The following PTPRG variants were observed in gnomAD, a reference collection of about 807,000 sequenced individuals.
PTPRG encodes the protein protein tyrosine phosphatase receptor type G.
Under a neutral mutation model 165.3 loss-of-function variants are expected in PTPRG, and 102 were observed. The ratio of observed to expected loss-of-function variants is 0.62; its 90% CI spans 0.53 to 0.73. PTPRG has a LOEUF of 0.73. PTPRG is among the 30% of genes least tolerant of loss of function. The pLI is 0.00. For missense variants in PTPRG, 1,866 were observed against 1,861.4 expected (o/e 1.00, Z -0.05); for synonymous variants, 675 against 669.5 (o/e 1.01, Z -0.13).
intron 15 of PTPRG, among the ~76,000 whole-genome samples, chr3:62,247,799 G>T (rs1209894476): frequency 6.6e-6 from 1 of 152,166 alleles, no homozygotes; most frequent in Non-Finnish European, 1.5e-5. Flanking sequence ...AGCATACGTG[G>T]AATCAGTAAG....
At chr3:62,066,938 G>A (rs768479677) in intron 4 of PTPRG, among the ~76,000 whole-genome samples, 43 of 151,562 alleles carry the variant, frequency 2.8e-4, no homozygotes, top group Non-Finnish European at 5.0e-4. Flanking sequence ...CTCAGGAGGC[G>A]GAGGCAGGAG....
intron 2 of PTPRG, among the ~76,000 whole-genome samples, chr3:61,897,509 T>A (rs1397311991): frequency 6.6e-6 from 1 of 152,198 alleles, no homozygotes; most frequent in Non-Finnish European, 1.5e-5. Flanking sequence ...TAAGTCAATA[T>A]CAGGTAGAAA....
At position 62,240,179 on chromosome 3, in the gene PTPRG, G is replaced by A. The variant is rs1041616942; in HGVS notation, c.2376-3628G>A. On this transcript the variant is annotated intron_variant, in intron 14 of 29. Transcript: ENST00000474889. This position sits in a 1 kb window ranked among gnomAD's most constrained non-coding sequence, Gnocchi z 5.1. ...GATGCATATAGAATGATCTCATTTC[G>A]TTTTTTAAAAATAAAACCCCCATGT... 2.6e-5 allele frequency among the ~76,000 whole-genome samples: 4 copies of A among 152,178 alleles called. No homozygotes were observed. The highest frequency in any genetic ancestry group is 1.9e-4 in the East Asian group (1 of 5,172).
At chr3:61,812,841 A>C (rs2035628855) in intron 2 of PTPRG, among the ~76,000 whole-genome samples, 1 of 152,206 alleles carries the variant, frequency 6.6e-6, no homozygotes, top group Non-Finnish European at 1.5e-5. Flanking sequence ...CCTGTGAACA[A>C]CTGTCTTGCT....
intron 6 of PTPRG, among the ~76,000 whole-genome samples, chr3:62,148,988 C>CA (rs1704223143): frequency 6.6e-6 from 1 of 151,980 alleles, no homozygotes; most frequent in African/African-American, 2.4e-5. Context: ...ATATATAAGA[C>CA]AAAAAACTAG....
intron 17 of PTPRG, among the ~76,000 whole-genome samples, chr3:62,266,706 A>C (rs1023820087): frequency 4.0e-5 from 6 of 151,556 alleles, no homozygotes; most frequent in Admixed American, 1.3e-4. Context: ...TATAAACAGA[A>C]ACATAAATTG....
At chr3:61,671,843 C>T (rs989540858) in intron 1 of PTPRG, among the ~76,000 whole-genome samples, 1 of 139,368 alleles carries the variant, frequency 7.2e-6, no homozygotes, top group Non-Finnish European at 1.5e-5. Context: ...GTAGGGGCGG[C>T]CGGGCAGAGG....
At chr3:61,595,577 C>T (rs1488226587) in intron 1 of PTPRG, among the ~76,000 whole-genome samples, 4 of 152,216 alleles carry the variant, frequency 2.6e-5, no homozygotes, top group South Asian at 4.1e-4. Context: ...GGCCCTAGGC[C>T]TTGACCCTTC....
intron 4 of PTPRG, among the ~76,000 whole-genome samples, chr3:62,011,625 A>G (rs2041424652): frequency 6.6e-6 from 1 of 152,188 alleles, no homozygotes; most frequent in South Asian, 2.1e-4. Flanking sequence ...ATCCTTTGCT[A>G]GTGAAATGTT....
chr3:61,990,688 T>C (rs546605510), intron 3 of PTPRG, among the ~76,000 whole-genome samples: 1 of 152,340 alleles, frequency 6.6e-6, no homozygotes, highest in Non-Finnish European at 1.5e-5. Flanking sequence ...TTCACTCTTA[T>C]TACTTAACTA....
intron 1 of PTPRG, among the ~76,000 whole-genome samples, chr3:61,620,024 T>C (rs1281223727): frequency 6.6e-6 from 1 of 152,210 alleles, no homozygotes; most frequent in Non-Finnish European, 1.5e-5. Context: ...GAGCCACTAC[T>C]GCTTCATTTT....
At chr3:61,934,383 C>G (rs1212332947) in intron 2 of PTPRG, among the ~76,000 whole-genome samples, 2 of 151,846 alleles carry the variant, frequency 1.3e-5, no homozygotes, top group African/African-American at 4.8e-5. Context: ...ATTTAAATAT[C>G]TTTTCTCGGT....
At chr3:61,901,752 C>G (rs1458032219) in intron 2 of PTPRG, among the ~76,000 whole-genome samples, 1 of 152,214 alleles carries the variant, frequency 6.6e-6, no homozygotes, top group African/African-American at 2.4e-5. Context: ...TGACCACCTG[C>G]TCCTGGGGTC....
intron 2 of PTPRG, among the ~76,000 whole-genome samples, chr3:61,914,247 G>A (rs112357725): frequency 6.6e-6 from 1 of 152,152 alleles, no homozygotes; most frequent in Admixed American, 6.5e-5. Context: ...TGACTTAAGC[G>A]TTTCTTTTTG....
At position 62,228,671 on chromosome 3, in the gene PTPRG, A is replaced by G. The variant is rs539418828; in HGVS notation, c.2289-2554A>G. ...AAACTGCCCTTCCTTTATGCAAAGCAAAGTCCACTGTTAACGGGTAGAATC... is the reference window on the plus strand; with the variant it reads ...AAACTGCCCTTCCTTTATGCAAAGCGAAGTCCACTGTTAACGGGTAGAATC... On this transcript the variant is annotated intron_variant, in intron 13 of 29. Coordinates refer to ENST00000474889, the MANE Select transcript of PTPRG (RefSeq NM_002841.4). The surrounding 1 kb of genome is among the most constrained non-coding windows in gnomAD (Gnocchi z 4.1). 5.9e-5 allele frequency among the ~76,000 whole-genome samples: 9 copies of G among 152,350 alleles called. No individual in the cohort carries two copies. The South Asian group carries it at 1.7e-3, about 28-fold the overall frequency.
chr3:62,229,308 C>T lies in PTPRG; in HGVS notation c.2289-1917C>T, dbSNP rs571857810. On this transcript the variant is annotated intron_variant, in intron 13 of 29. Transcript: ENST00000474889. This position sits in a 1 kb window ranked among gnomAD's most constrained non-coding sequence, Gnocchi z 4.6. ...ACATGGCAGCTAATGCTGTGGATCC[C>T]AGGCAACTTTTTGCTCAATAACTGT... 6.6e-6 allele frequency among the ~76,000 whole-genome samples: 1 copy of T among 152,252 alleles called. No individual in the cohort carries two copies. Among genetic ancestry groups the T allele is most frequent in the African/African-American group, 2.4e-5 (1 of 41,542 alleles).
intron 8 of PTPRG, among the ~76,000 whole-genome samples, chr3:62,184,276 C>T (rs1705781316): frequency 6.6e-6 from 1 of 152,148 alleles, no homozygotes; most frequent in African/African-American, 2.4e-5. Context: ...GAGCTGGGGT[C>T]CTGCTTTGAT....
intron 1 of PTPRG, among the ~76,000 whole-genome samples, chr3:61,685,111 C>T (rs559931827): frequency 4.6e-5 from 7 of 152,316 alleles, no homozygotes; most frequent in African/African-American, 1.7e-4. Flanking sequence ...GCCTACCTCC[C>T]TCATCTGGTG....
At chr3:62,132,246 A>G (rs1339951293) in intron 5 of PTPRG, among the ~76,000 whole-genome samples, 3 of 152,224 alleles carry the variant, frequency 2.0e-5, no homozygotes, top group African/African-American at 7.2e-5. Flanking sequence ...TTTTCCGTCA[A>G]TGATGGATTG....
Sources: allele counts gnomAD v4.1 joint callset (sites outside exome capture counted in the v4.1 genomes callset), GRCh38; gene constraint gnomAD v4.1.1; non-coding constraint Gnocchi (gnomAD v3.1); transcripts MANE v1.5; gene names NCBI Gene and HGNC (gene_info 2026-07-23, HGNC 2026-07-21).